ING3: variants seen among roughly 807,000 people sequenced by gnomAD.
ING3 encodes the protein inhibitor of growth protein 3.
In ING3, 6 loss-of-function variants were observed where a neutral mutation model predicts 64.8. The observed-to-expected ratio is 0.09, with a 90% CI of 0.05 to 0.18. The LOEUF is 0.18. Among genes scored for constraint, ING3 ranks in the 10% least tolerant of loss-of-function variants. The pLI is 1.00. For missense variants in ING3, 310 were observed against 489.7 expected, an observed-to-expected ratio of 0.63 and a Z score of 3.46; for synonymous variants, 170 against 173.7, an observed-to-expected ratio of 0.98 and a Z score of 0.17.
chr7:120,962,250 T>C (rs1489757993), intron 4 of ING3, among the ~76,000 whole-genome samples: 1 of 152,134 alleles, frequency 6.6e-6, no homozygotes, highest in African/African-American at 2.4e-5. Flanking sequence ...ATAATGCTCA[T>C]TGCCTAATAA....
chr7:120,966,745 ATT>A, intron 6 of ING3, 48 bp downstream of exon 6: 1 of 1,261,498 alleles, frequency 7.9e-7, no homozygotes, highest in Non-Finnish European at 1.2e-6. Flanking sequence ...TGAAAACCTT[ATT>A]ATATCACCTA....
chr7:120,966,705 T>G lies in ING3; in HGVS notation c.436+8T>G. The G allele has an allele frequency of 6.2e-7, 1 of 1,603,294 alleles. No individual in the cohort carries two copies. Among genetic ancestry groups the G allele is most frequent in the Non-Finnish European group, 8.5e-7 (1 of 1,170,102 alleles). Reference sequence around the variant, plus strand: ...CACATACTCCAGTGGAAAGTAAGTTTGGTGTAGTGCAGCTAAGTTTTAAAA... The same window carrying G: ...CACATACTCCAGTGGAAAGTAAGTTGGGTGTAGTGCAGCTAAGTTTTAAAA... On this transcript the variant is annotated splice_region_variant and intron_variant, in intron 6 of 11. Coordinates refer to ENST00000315870, the MANE Select transcript of ING3 (RefSeq NM_019071.3).
At chr7:120,958,636 A>G (rs1795885701) in intron 4 of ING3, among the ~76,000 whole-genome samples, 1 of 152,058 alleles carries the variant, frequency 6.6e-6, no homozygotes, top group South Asian at 2.1e-4. Flanking sequence ...TACCTTCCAC[A>G]TTGTTGCTGC....
In ING3 at chr7:120,975,405, G is replaced by A. The variant is rs922942722; in HGVS notation, c.*561G>A. ...TGAAGGAAATGGTTCATGTGATAAT[G>A]TGGGCTGGTATCCTCTAGAGTACCT... is the stretch of plus-strand genomic sequence containing the variant. On this transcript the variant is annotated 3_prime_UTR_variant, in exon 12 of 12. Coordinates refer to ENST00000315870, the MANE Select transcript of ING3 (RefSeq NM_019071.3). The A allele has an allele frequency of 6.6e-6, 1 of 151,920 alleles. No homozygotes were observed. Among genetic ancestry groups the A allele is most frequent in the Non-Finnish European group, 1.5e-5 (1 of 68,000 alleles). 9.4% of individuals were successfully genotyped at this position (151,920 alleles called of 1,614,324 possible). A position where few individuals can be genotyped will look rare whatever the true frequency, so the allele number is the denominator to read the frequency against.
At chr7:120,959,076 C>T (rs1268651621) in intron 4 of ING3, among the ~76,000 whole-genome samples, 1 of 152,192 alleles carries the variant, frequency 6.6e-6, no homozygotes, top group African/African-American at 2.4e-5. Flanking sequence ...TACCATGTGA[C>T]TGCCTGCTCT....
At chr7:120,974,577 A>C in intron 11 of ING3, 151 bp from the exon 12 acceptor site, 1 of 447,488 alleles carries the variant, frequency 2.2e-6, no homozygotes, top group South Asian at 2.8e-5. Context: ...AGTCTAAATG[A>C]TGTCTAAATA....
intron 2 of ING3, among the ~76,000 whole-genome samples, chr7:120,952,475 T>C (rs1457527986): frequency 6.6e-6 from 1 of 152,216 alleles, no homozygotes; most frequent in African/African-American, 2.4e-5. Flanking sequence ...AATTCTCTTG[T>C]AATTTGGGCT....
chr7:120,951,005 G>A lies in ING3; in HGVS notation c.28+81G>A, dbSNP rs549243787. On this transcript the variant is annotated intron_variant, in intron 1 of 11. Coordinates refer to ENST00000315870, the MANE Select transcript of ING3 (RefSeq NM_019071.3). ...GCGAGTGGACGGGCAGCGAGATGGC[G>A]GGAGGGAGGGGGCGGCGGGGGATGT... is the stretch of plus-strand genomic sequence containing the variant. The A allele has an allele frequency of 7.5e-5, 114 of 1,529,386 alleles. No individual in the cohort carries two copies. In the African/African-American group the frequency reaches 1.4e-3, roughly 19 times the overall value. The allele number at this position is 1,529,386 out of a possible 1,614,324, so 94.7% of individuals were successfully genotyped here.
intron 3 of ING3, 107 bp from the exon 4 acceptor site, chr7:120,955,452 G>A (rs1315010843): frequency 4.2e-5 from 32 of 755,236 alleles, no homozygotes; most frequent in Non-Finnish European, 6.7e-5. Context: ...ACTAAGGTAG[G>A]ATGACTGTGA....
chr7:120,970,652 A>T (rs1462638157), intron 9 of ING3, 36 bp from the exon 10 acceptor site: 1 of 1,606,252 alleles, frequency 6.2e-7, no homozygotes, highest in Non-Finnish European at 8.5e-7. Flanking sequence ...TAACTTCTGG[A>T]TGGTGAGCAA....
At chr7:120,961,804 C>T (rs569504915) in intron 4 of ING3, among the ~76,000 whole-genome samples, 2 of 152,112 alleles carry the variant, frequency 1.3e-5, no homozygotes, top group African/African-American at 2.4e-5. Flanking sequence ...GATTATAGGG[C>T]AAGGAAACTT....
At chr7:120,967,392 T>C in intron 6 of ING3, 137 bp from the exon 7 acceptor site, 2 of 530,928 alleles carry the variant, frequency 3.8e-6, no homozygotes, top group Non-Finnish European at 6.2e-6. Flanking sequence ...TGTCCTGCCT[T>C]CTGAGGAAAC....
chr7:120,963,691 A>G (rs913702026), intron 4 of ING3, among the ~76,000 whole-genome samples: 4 of 152,134 alleles, frequency 2.6e-5, no homozygotes, highest in African/African-American at 9.7e-5. Context: ...TGCGTCAAGC[A>G]CATTACCTCC....
At chr7:120,968,535 A>C (rs1796026536) in intron 8 of ING3, among the ~76,000 whole-genome samples, 1 of 152,158 alleles carries the variant, frequency 6.6e-6, no homozygotes, top group Admixed American at 6.5e-5. Context: ...GTAAAATCTT[A>C]TTTTAAATCT....
At chr7:120,962,180 G>C (rs772244643) in intron 4 of ING3, among the ~76,000 whole-genome samples, 2 of 152,208 alleles carry the variant, frequency 1.3e-5, no homozygotes, top group Non-Finnish European at 2.9e-5. Context: ...AATTCTTGTG[G>C]TCAATGGGAC....
At position 120,955,489 on chromosome 7, in the gene ING3, G is replaced by A. The variant is rs1795832364; in HGVS notation, c.202-70G>A. On this transcript the variant is annotated intron_variant, in intron 3 of 11. Coordinates refer to ENST00000315870, the MANE Select transcript of ING3 (RefSeq NM_019071.3). ...AACAAGATATGATAATGAAAATGCA[G>A]TTGTATGTCCTGCATATGAATATTT... 3.9e-6 allele frequency: 4 copies of A among 1,021,616 alleles called. No individual in the cohort carries two copies. In the Admixed American group the frequency reaches 6.1e-5, roughly 15 times the overall value. 63.3% of individuals were successfully genotyped at this position (1,021,616 alleles called of 1,614,324 possible).
chr7:120,963,783 A>G (rs1212372082), intron 4 of ING3, among the ~76,000 whole-genome samples: 1 of 152,152 alleles, frequency 6.6e-6, no homozygotes, highest in Non-Finnish European at 1.5e-5. Flanking sequence ...ACATTATTTA[A>G]TTCTAAACCT....
intron 11 of ING3, 111 bp downstream of exon 11, chr7:120,973,354 A>G: frequency 2.9e-6 from 2 of 693,502 alleles, no homozygotes; most frequent in Non-Finnish European, 5.1e-6. Context: ...GTTTGCAGGT[A>G]TATTAGTTAT....
intron 9 of ING3, 47 bp from the exon 10 acceptor site, chr7:120,970,641 T>A (rs752043530): frequency 6.3e-7 from 1 of 1,588,838 alleles, no homozygotes; most frequent in Non-Finnish European, 8.6e-7. Context: ...TTATTCTCAG[T>A]TAACTTCTGG....
Sources: gnomAD v4.1 joint callset for allele counts (sites outside exome capture counted in the v4.1 genomes callset) on GRCh38, gnomAD v4.1.1 for gene constraint, MANE v1.5 for transcripts, NCBI Gene and HGNC (gene_info 2026-07-23, HGNC 2026-07-21) for gene names.